The following RCC1L variants were observed in gnomAD, a reference collection of about 807,000 sequenced individuals.
RCC1L encodes the protein RCC1 like, also known as RCC1-like G exchanging factor-like protein.
A neutral mutation model predicts 58.6 loss-of-function variants in RCC1L; 46 were observed. That is an observed-to-expected ratio of 0.79 (90% confidence interval 0.62 to 1.00). The LOEUF is 1.00. RCC1L is among the 50% of genes least tolerant of loss of function. RCC1L has a pLI of 0.00. For synonymous variants in RCC1L, 281 were observed against 262.9 expected, an observed-to-expected ratio of 1.07 and a Z score of -0.67; for missense variants, 636 against 623.6, an observed-to-expected ratio of 1.02 and a Z score of -0.21.
At chr7:75,056,173 C>A (rs1259797892) in intron 8 of RCC1L, 99 bp from the exon 9 acceptor site, 2 of 1,405,468 alleles carry the variant, frequency 1.4e-6, no homozygotes, top group South Asian at 2.5e-5. Flanking sequence ...GACATCCACA[C>A]GGTTTTTTTT....
chr7:75,065,656 G>A (rs899667577), intron 3 of RCC1L, among the ~76,000 whole-genome samples: 3 of 152,136 alleles, frequency 2.0e-5, no homozygotes, highest in Admixed American at 6.6e-5. Context: ...CCAGGGGCCC[G>A]GACTCTGAAA....
chr7:75,051,293 AATAC>A lies in RCC1L; in HGVS notation c.1317+1414_1317+1417del, dbSNP rs1402564727. 8.1e-5 allele frequency among the ~76,000 whole-genome samples: 12 copies of A among 148,506 alleles called. No individual in the cohort carries two copies. In the East Asian group the frequency reaches 1.2e-3, roughly 14 times the overall value. The stretch of plus-strand genomic sequence containing the variant: ...ACACACATATATACACACACATATA[AATAC>A]ATACATATATATATACACACATATA... On this transcript the variant is annotated intron_variant, in intron 10 of 10. Transcript: ENST00000610322.
At chr7:75,073,301 CG>C (rs1806832654) in intron 1 of RCC1L, 112 bp downstream of exon 1, 1 of 486,326 alleles carries the variant, frequency 2.1e-6, no homozygotes, top group Non-Finnish European at 3.4e-6. Context: ...GTCGTCCTGC[CG>C]GAAGTCTGTC....
chr7:75,053,023 C>T (rs1805963163), intron 9 of RCC1L, among the ~76,000 whole-genome samples: 3 of 141,094 alleles, frequency 2.1e-5, no homozygotes, highest in East Asian at 2.1e-4. Context: ...CATCCACCCA[C>T]GTGGGAGATG....
intron 5 of RCC1L, among the ~76,000 whole-genome samples, chr7:75,061,506 G>A (rs1339050568): frequency 6.6e-6 from 1 of 151,934 alleles, no homozygotes. Flanking sequence ...ATCTCCAAAG[G>A]GGCAAATCCA....
intron 10 of RCC1L, among the ~76,000 whole-genome samples, chr7:75,044,476 A>AGGG (rs1805658258): frequency 2.6e-5 from 4 of 151,058 alleles, no homozygotes; most frequent in Non-Finnish European, 5.9e-5. Context: ...GCGCACGCCT[A>AGGG]TAACCCCAGC....
intron 8 of RCC1L, among the ~76,000 whole-genome samples, chr7:75,057,123 C>A (rs978789584): frequency 9.9e-5 from 15 of 152,112 alleles, no homozygotes; most frequent in Non-Finnish European, 2.2e-4. Flanking sequence ...CAAGCATGTA[C>A]CACCATGTCT....
chr7:75,028,053 C>T, exon 11 of RCC1L: 2 of 1,534,144 alleles, frequency 1.3e-6, no homozygotes, highest in South Asian at 2.4e-5. Context: ...GGCCTGTTGT[C>T]TTGGCGCTGG....
At chr7:75,038,832 C>A (rs966138416), downstream of RCC1L, among the ~76,000 whole-genome samples, 2 of 152,148 alleles carry the variant, frequency 1.3e-5, no homozygotes, top group Non-Finnish European at 2.9e-5. Context: ...CTTGTGAAGC[C>A]ACCTGTGCCA....
chr7:75,054,150 C>T (rs1429277610), intron 9 of RCC1L, among the ~76,000 whole-genome samples: 1 of 152,206 alleles, frequency 6.6e-6, no homozygotes, highest in Non-Finnish European at 1.5e-5. Flanking sequence ...GGGATCCTCT[C>T]ATCTTGGCCT....
Position 75,052,698 on chromosome 7 carries a change from C to G in RCC1L, c.1317+13G>C. The G allele has an allele frequency of 6.2e-7, 1 of 1,605,366 alleles. No individual in the cohort carries two copies. Among genetic ancestry groups the G allele is most frequent in the Non-Finnish European group, 8.5e-7 (1 of 1,176,066 alleles). ...TTAGCATCCATTCTCAAGACCTCCC[C>G]GGCCAGCCTTACCCTCCATGGGAAA... On this transcript the variant is annotated intron_variant, in intron 10 of 10. Coordinates refer to ENST00000610322, the MANE Select transcript of RCC1L (RefSeq NM_030798.5).
intron 5 of RCC1L, 78 bp downstream of exon 5, chr7:75,063,214 C>A: frequency 6.7e-7 from 1 of 1,496,262 alleles, no homozygotes; most frequent in East Asian, 2.3e-5. Context: ...AACAAATTTG[C>A]CATCACCCTA....
intron 10 of RCC1L, among the ~76,000 whole-genome samples, chr7:75,044,713 T>C (rs1295686669): frequency 6.6e-6 from 1 of 151,528 alleles, no homozygotes; most frequent in Non-Finnish European, 1.5e-5. Context: ...TTATTAACTT[T>C]CCAGAGGTTT....
chr7:75,056,691 T>A, intron 8 of RCC1L: 2 of 1,535,494 alleles, frequency 1.3e-6, no homozygotes, highest in Non-Finnish European at 1.7e-6. Flanking sequence ...TCCAGAGGTT[T>A]GCTCTAGGAT....
intron 10 of RCC1L, among the ~76,000 whole-genome samples, chr7:75,050,549 C>T (rs1174293064): frequency 1.3e-5 from 2 of 152,170 alleles, no homozygotes; most frequent in African/African-American, 2.4e-5. Context: ...ACCCAAAACC[C>T]GGCTGCTTTA....
At position 75,042,553 on chromosome 7, in the gene RCC1L, T is replaced by C. The variant is rs1388142468; in HGVS notation, c.*479A>G. On this transcript the variant is annotated 3_prime_UTR_variant, in exon 11 of 11. Coordinates refer to ENST00000610322, the MANE Select transcript of RCC1L (RefSeq NM_030798.5). Reference sequence around the variant, plus strand: ...AGGAAGGGCCATGAGCAGGGTGGCCTGAATGAAAACCGAGGGCCGAAGCCA... The same window carrying C: ...AGGAAGGGCCATGAGCAGGGTGGCCCGAATGAAAACCGAGGGCCGAAGCCA... 1.0e-6 allele frequency: 1 copy of C among 998,948 alleles called. No individual in the cohort carries two copies. Among genetic ancestry groups the C allele is most frequent in the East Asian group, 1.1e-4 (1 of 9,210 alleles). The allele number at this position is 998,948 out of a possible 1,614,324, so 61.9% of individuals were successfully genotyped here.
chr7:75,045,466 C>T (rs1323508248), intron 10 of RCC1L, among the ~76,000 whole-genome samples: 1 of 152,132 alleles, frequency 6.6e-6, no homozygotes, highest in African/African-American at 2.4e-5. Flanking sequence ...AGGTGTGATC[C>T]CCAGGCCTGG....
intron 3 of RCC1L, among the ~76,000 whole-genome samples, chr7:75,065,736 G>A (rs1003805383): frequency 6.6e-6 from 1 of 152,076 alleles, no homozygotes; most frequent in African/African-American, 2.4e-5. Flanking sequence ...AGCCACTTCC[G>A]GCCGGGCATA....
intron 3 of RCC1L, among the ~76,000 whole-genome samples, 186 bp downstream of exon 3, chr7:75,066,474 AAAAT>A (rs1191629022): frequency 1.3e-5 from 2 of 152,152 alleles, no homozygotes; most frequent in African/African-American, 4.8e-5. Flanking sequence ...TAAATAAATA[AAAAT>A]AAATAAAGAA....
Sources: gnomAD v4.1 joint callset for allele counts (sites outside exome capture counted in the v4.1 genomes callset) on GRCh38, gnomAD v4.1.1 for gene constraint, MANE v1.5 for transcripts, NCBI Gene and HGNC (gene_info 2026-07-23, HGNC 2026-07-21) for gene names.